Variants in ADCYAP1R1 observed in about 807,000 individuals in gnomAD.
ADCYAP1R1 encodes pituitary adenylate cyclase-activating polypeptide type I receptor.
ADCYAP1R1 carries 44 observed loss-of-function variants against 67.6 expected under a neutral mutation model. The observed-to-expected ratio is 0.65, with a 90% CI of 0.51 to 0.84. The LOEUF (loss-of-function observed/expected upper bound fraction) is 0.84. ADCYAP1R1 is among the 40% of genes least tolerant of loss of function. ADCYAP1R1 has a pLI of 0.00. For synonymous variants in ADCYAP1R1, 222 were observed against 219.6 expected, an observed-to-expected ratio of 1.01 and a Z score of -0.10; for missense variants, 477 against 587.9, an observed-to-expected ratio of 0.81 and a Z score of 1.95.
chr7:31,099,024 A>G (rs1796327795), intron 13 of ADCYAP1R1, among the ~76,000 whole-genome samples: 2 of 152,130 alleles, frequency 1.3e-5, no homozygotes, highest in Admixed American at 1.3e-4. Flanking sequence ...TCTCTGACAC[A>G]TCTGTCAGAG....
chr7:31,097,957 G>A (rs891900165), intron 13 of ADCYAP1R1, among the ~76,000 whole-genome samples: 2 of 152,066 alleles, frequency 1.3e-5, no homozygotes, highest in African/African-American at 4.8e-5. Flanking sequence ...CTGAATTGCA[G>A]TGGCGAGATC....
At chr7:31,073,341 G>T (rs183239466) in intron 3 of ADCYAP1R1, among the ~76,000 whole-genome samples, 1 of 152,160 alleles carries the variant, frequency 6.6e-6, no homozygotes, top group African/African-American at 2.4e-5. Context: ...AAGAGAGAGA[G>T]GGAGAAGAAA....
chr7:31,059,025 A>G (rs907252723), intron 1 of ADCYAP1R1, among the ~76,000 whole-genome samples: 1 of 152,132 alleles, frequency 6.6e-6, no homozygotes, highest in African/African-American at 2.4e-5. Flanking sequence ...CATACTAAGT[A>G]TTTAATAAAT....
At chr7:31,055,325 GA>G (rs1794192659) in intron 1 of ADCYAP1R1, among the ~76,000 whole-genome samples, 2 of 129,664 alleles carry the variant, frequency 1.5e-5, no homozygotes, top group African/African-American at 6.9e-5. Flanking sequence ...TTGAATGGAG[GA>G]AAGTGTGTGT....
chr7:31,076,273 G>A (rs2128624218), intron 3 of ADCYAP1R1, among the ~76,000 whole-genome samples: 1 of 152,356 alleles, frequency 6.6e-6, no homozygotes, highest in East Asian at 1.9e-4. Context: ...CCTTGGATTT[G>A]GCAGTGAAGA....
chr7:31,083,846 C>T (rs531280967), intron 6 of ADCYAP1R1, among the ~76,000 whole-genome samples: 2 of 152,210 alleles, frequency 1.3e-5, no homozygotes, highest in South Asian at 4.1e-4. Context: ...GATCCAGGGC[C>T]CAGGGGAGGA....
At chr7:31,106,403 C>T (rs188923292) in intron 15 of ADCYAP1R1, 93 bp from the exon 16 acceptor site, 4 of 1,460,216 alleles carry the variant, frequency 2.7e-6, no homozygotes, top group East Asian at 5.0e-5. Context: ...GAGGGTGGCA[C>T]TGCCAGCCTG....
In ADCYAP1R1 at chr7:31,100,162, G is replaced by A. The variant is rs138481612; in HGVS notation, c.1047-3075G>A. The A allele has an allele frequency of 6.1e-5, 94 of 1,550,590 alleles. No homozygotes were observed. In the East Asian group the frequency reaches 1.6e-3, roughly 26 times the overall value. On this transcript the variant is annotated intron_variant, in intron 13 of 15. Coordinates refer to ENST00000304166, the MANE Select transcript of ADCYAP1R1 (RefSeq NM_001118.5). ...CAGAAATGCTACTGCAAGCCACAGC[G>A]GGCTCAGCAGCACTCTTGCAAGATG...
intron 3 of ADCYAP1R1, among the ~76,000 whole-genome samples, chr7:31,069,084 C>T (rs1192326246): frequency 6.6e-6 from 1 of 152,096 alleles, no homozygotes; most frequent in Non-Finnish European, 1.5e-5. Context: ...GGGGTCCATG[C>T]AGATCTGTGT....
chr7:31,058,715 C>T (rs1362210391), intron 1 of ADCYAP1R1, among the ~76,000 whole-genome samples: 1 of 152,172 alleles, frequency 6.6e-6, no homozygotes, highest in Non-Finnish European at 1.5e-5. Context: ...GCGGACCTGA[C>T]CAGCCCCTGG....
chr7:31,094,682 GC>G (rs1288265338), intron 13 of ADCYAP1R1, among the ~76,000 whole-genome samples: 2 of 152,122 alleles, frequency 1.3e-5, no homozygotes, highest in Admixed American at 1.3e-4. Context: ...AACCCCCAGG[GC>G]CTGGTGGGAA....
chr7:31,087,015 C>T lies in ADCYAP1R1; in HGVS notation c.884+12C>T, dbSNP rs536042523. ...TTTGATGACACAGGGTTAGTACATG[C>T]GCGAGAGTCAGGGCCACAGCACAGA... is the stretch of plus-strand genomic sequence containing the variant. On this transcript the variant is annotated intron_variant, in intron 11 of 15. Coordinates refer to ENST00000304166, the MANE Select transcript of ADCYAP1R1 (RefSeq NM_001118.5). The T allele has an allele frequency of 1.1e-5, 17 of 1,614,048 alleles. No individual in the cohort carries two copies. The highest frequency in any genetic ancestry group is 6.7e-5 in the East Asian group (3 of 44,874).
chr7:31,090,341 T>C (rs901194550), intron 12 of ADCYAP1R1, among the ~76,000 whole-genome samples: 6 of 152,232 alleles, frequency 3.9e-5, no homozygotes, highest in African/African-American at 1.4e-4. Flanking sequence ...TATTTTCTCC[T>C]TTTTCATTGA....
chr7:31,085,476 C>A, intron 9 of ADCYAP1R1, 34 bp downstream of exon 9: 1 of 1,600,674 alleles, frequency 6.2e-7, no homozygotes, highest in Non-Finnish European at 8.5e-7. Flanking sequence ...TAGGGCTCTG[C>A]CGGGAAGGTC....
In ADCYAP1R1 at chr7:31,085,323, A is replaced by T; in HGVS notation, c.550A>T (p.Thr184Ser). 1 of 1,613,936 alleles carries T rather than the reference A, an allele frequency of 6.2e-7. No homozygotes were observed. The change falls in exon 9 of 16, where the codon ACA becomes TCA. Residue 184 changes from threonine to serine, a missense_variant. By Grantham distance (58) the Thr-to-Ser change is moderately conservative. Transcript: ENST00000304166. ...ILCRFRKLHC[T>S]RNFIHMNLFV... ...CCACTCATGTAGGAAGCTGCACTGC[A>T]CACGCAACTTCATCCACATGAACCT... is the stretch of plus-strand genomic sequence containing the variant.
chr7:31,070,440 CT>C (rs1188070198), intron 3 of ADCYAP1R1, among the ~76,000 whole-genome samples: 2 of 152,206 alleles, frequency 1.3e-5, no homozygotes, highest in Non-Finnish European at 2.9e-5. Flanking sequence ...CATTGCTATT[CT>C]GACCTGGTCT....
In ADCYAP1R1 at chr7:31,095,547, G is replaced by A. The variant is rs549257885; in HGVS notation, c.1046+2812G>A. On this transcript the variant is annotated intron_variant, in intron 13 of 15. Transcript: ENST00000304166. ...GGAGGTGAGAGGGCAGTGAATGGGG[G>A]GAGAGGGAGATTCCAGGGCTGTGCC... 5.5e-4 allele frequency: 384 copies of A among 700,096 alleles called. 5 individuals are homozygous for A. The South Asian group carries it at 5.5e-3, about 10-fold the overall frequency. 43.4% of individuals were successfully genotyped at this position (700,096 alleles called of 1,614,324 possible).
chr7:31,061,725 G>A (rs1290855065), intron 1 of ADCYAP1R1, among the ~76,000 whole-genome samples: 2 of 152,174 alleles, frequency 1.3e-5, no homozygotes, highest in Non-Finnish European at 2.9e-5. Context: ...CTTATCTCCA[G>A]CTTAAGCTTG....
At chr7:31,084,068 G>T (rs545191149) in intron 6 of ADCYAP1R1, 73 bp from the exon 7 acceptor site, 13 of 1,345,358 alleles carry the variant, frequency 9.7e-6, no homozygotes, top group Non-Finnish European at 1.1e-6. Flanking sequence ...CACTGAATAC[G>T]TAATTTTTGC....
Sources: allele counts gnomAD v4.1 joint callset (sites outside exome capture counted in the v4.1 genomes callset), GRCh38; gene constraint gnomAD v4.1.1; transcripts MANE v1.5; gene names NCBI Gene and HGNC (gene_info 2026-07-23, HGNC 2026-07-21).